ELAC1: variants seen among roughly 807,000 people sequenced by gnomAD.
The protein encoded by ELAC1 is zinc phosphodiesterase ELAC protein 1.
Under a neutral mutation model 25.8 loss-of-function variants are expected in ELAC1, and 19 were observed. That is an observed-to-expected ratio of 0.74 (90% CI 0.51 to 1.08). The LOEUF (loss-of-function observed/expected upper bound fraction) is 1.08. Among genes scored for constraint, ELAC1 ranks in the 50% least tolerant of loss-of-function variants. The pLI is 0.00. For synonymous variants in ELAC1, 148 were observed against 160.9 expected (o/e 0.92, Z 0.61); for missense variants, 403 against 434.6 (o/e 0.93, Z 0.65).
intron 3 of ELAC1, chr18:50,984,889 G>A (rs1424850734): frequency 2.6e-6 from 1 of 386,770 alleles, no homozygotes; most frequent in Non-Finnish European, 4.6e-6. Flanking sequence ...CCAAGATAGT[G>A]TTACTATACT....
Position 50,987,275 on chromosome 18 carries a change from A to AG in ELAC1, c.*191dup, listed in dbSNP as rs568402683. ...CTTTTTGATAATAAATCTTTTTAAG[A>AG]GAAAAAAAACCCAGCATCCTTTTTG... On this transcript the variant is annotated 3_prime_UTR_variant, in exon 4 of 4. Coordinates refer to ENST00000269466, the MANE Select transcript of ELAC1 (RefSeq NM_018696.3). 1.6e-3 allele frequency: 703 copies of AG among 428,060 alleles called. 1 individual carries two copies. Among genetic ancestry groups the AG allele is most frequent in the Non-Finnish European group, 2.5e-3 (625 of 246,374 alleles). The allele number at this position is 428,060 out of a possible 1,614,324, so 26.5% of individuals were successfully genotyped here. A position where few individuals can be genotyped will look rare whatever the true frequency, so the allele number is the denominator to read the frequency against.
At chr18:50,982,546 G>A (rs1907980950) in intron 2 of ELAC1, among the ~76,000 whole-genome samples, 1 of 152,234 alleles carries the variant, frequency 6.6e-6, no homozygotes, top group Non-Finnish European at 1.5e-5. Context: ...CACTAGAAAT[G>A]TGTTAATTTT....
chr18:50,977,929 C>T (rs952439041), intron 2 of ELAC1, among the ~76,000 whole-genome samples: 3 of 152,174 alleles, frequency 2.0e-5, no homozygotes, highest in Admixed American at 2.0e-4. Flanking sequence ...CTCTCAAGTT[C>T]AAAGTTCCAC....
intron 2 of ELAC1, among the ~76,000 whole-genome samples, chr18:50,975,181 G>A (rs1568185829): frequency 1.3e-5 from 2 of 152,074 alleles, no homozygotes; most frequent in Non-Finnish European, 2.9e-5. Context: ...TGTGACCTTA[G>A]CATATCAGCA....
chr18:50,979,366 T>A (rs1907880968), intron 2 of ELAC1, among the ~76,000 whole-genome samples: 1 of 152,160 alleles, frequency 6.6e-6, no homozygotes. Flanking sequence ...TGGGGAAGAT[T>A]CTGCTTCTCA....
intron 3 of ELAC1, 171 bp downstream of exon 3, chr18:50,984,734 C>T: frequency 1.6e-6 from 1 of 608,626 alleles, no homozygotes; most frequent in Non-Finnish European, 2.9e-6. Context: ...GAGTTCAAGA[C>T]CAGCCTGGGC....
rs1385189293 is a variant in ELAC1 at position 50,987,985 on chromosome 18, G to C, written c.*900G>C. On this transcript the variant is annotated 3_prime_UTR_variant, in exon 4 of 4. Coordinates refer to ENST00000269466, the MANE Select transcript of ELAC1 (RefSeq NM_018696.3). The stretch of plus-strand genomic sequence containing the variant: ...CCTAAAGAGTGAATGTGTTAGAATT[G>C]CAGTGTCATACCAAATAACATTCAA... The C allele has an allele frequency of 6.6e-6, 1 of 152,194 alleles. No individual in the cohort carries two copies. The highest frequency in any genetic ancestry group is 1.5e-5 in the Non-Finnish European group (1 of 68,038). The allele number at this position is 152,194 out of a possible 1,614,324, so 9.4% of individuals were successfully genotyped here. A position where few individuals can be genotyped will look rare whatever the true frequency, so the allele number is the denominator to read the frequency against.
In ELAC1 at chr18:50,986,855, G is replaced by A. The variant is rs779625951; in HGVS notation, c.862G>A (p.Glu288Lys). ...TGATGCCCAGATGGACAAAGCAAAG[G>A]AGCATGGCCACAGCACACCACAGAT... is the stretch of plus-strand genomic sequence containing the variant. ...LDDAQMDKAK[E>K]HGHSTPQMAA... The change falls in exon 4 of 4, where the codon GAG (glutamate) becomes AAG (lysine). Residue 288 changes from glutamate (E) to lysine (K), a missense_variant. Transcript: ENST00000269466. 2.5e-6 allele frequency: 4 copies of A among 1,614,176 alleles called. No homozygotes were observed. The highest frequency in any genetic ancestry group is 3.4e-6 in the Non-Finnish European group (4 of 1,180,024).
At chr18:50,979,922 G>A (rs1278044098) in intron 2 of ELAC1, among the ~76,000 whole-genome samples, 5 of 151,970 alleles carry the variant, frequency 3.3e-5, no homozygotes, top group Admixed American at 3.3e-4. Flanking sequence ...ATAGAGATGG[G>A]GTTTTGCCAT....
At chr18:50,982,850 C>T (rs973357750) in intron 2 of ELAC1, among the ~76,000 whole-genome samples, 13 of 152,200 alleles carry the variant, frequency 8.5e-5, no homozygotes, top group Middle Eastern at 6.8e-3. Flanking sequence ...TCCTCCTTTT[C>T]CCCTCCCTTC....
chr18:50,973,383 A>T (rs1370316486), intron 1 of ELAC1, among the ~76,000 whole-genome samples: 2 of 152,220 alleles, frequency 1.3e-5, no homozygotes, highest in Non-Finnish European at 2.9e-5. Flanking sequence ...TGTACCTAGA[A>T]ATAGTGAAAG....
chr18:50,987,327 C>A lies in ELAC1; in HGVS notation c.*242C>A. 1 of 372,984 alleles carries A rather than the reference C, an allele frequency of 2.7e-6. No individual in the cohort carries two copies. Among genetic ancestry groups the A allele is most frequent in the Non-Finnish European group, 4.8e-6 (1 of 209,322 alleles). 23.1% of individuals were successfully genotyped at this position (372,984 alleles called of 1,614,324 possible). A position where few individuals can be genotyped will look rare whatever the true frequency, so the allele number is the denominator to read the frequency against. ...AGTCCAGATTTGTCAAAATGATAGA[C>A]TATTCAGTTATACATCTTATTTTGT... On this transcript the variant is annotated 3_prime_UTR_variant, in exon 4 of 4. Coordinates refer to ENST00000269466, the MANE Select transcript of ELAC1 (RefSeq NM_018696.3).
chr18:50,968,069 C>A lies in ELAC1; in HGVS notation c.-54C>A, dbSNP rs576336611. On this transcript the variant is annotated 5_prime_UTR_variant, in exon 1 of 4. Transcript: ENST00000269466. Reference sequence around the variant, plus strand: ...CCCCGCGGACAGCTGGGCCAGGGTGCGGGCCTGCGCCTCCCTCGGCTCCTG... The same window carrying A: ...CCCCGCGGACAGCTGGGCCAGGGTGAGGGCCTGCGCCTCCCTCGGCTCCTG... The A allele has an allele frequency of 6.6e-6, 1 of 152,006 alleles. No individual in the cohort carries two copies. The allele number at this position is 152,006 out of a possible 1,614,324, so 9.4% of individuals were successfully genotyped here.
intron 1 of ELAC1, among the ~76,000 whole-genome samples, chr18:50,973,705 A>ATT (rs573506322): frequency 6.6e-6 from 1 of 151,986 alleles, no homozygotes; most frequent in Non-Finnish European, 1.5e-5. Flanking sequence ...TATTAGAAGG[A>ATT]TTTTTTTTAA....
chr18:50,983,965 G>A, intron 2 of ELAC1, 131 bp from the exon 3 acceptor site: 1 of 552,176 alleles, frequency 1.8e-6, no homozygotes, highest in Non-Finnish European at 3.0e-6. Context: ...ATAAGTTTAT[G>A]ATGATAAGTA....
At chr18:50,980,308 C>T (rs1907910505) in intron 2 of ELAC1, among the ~76,000 whole-genome samples, 1 of 151,146 alleles carries the variant, frequency 6.6e-6, no homozygotes, top group South Asian at 2.1e-4. Context: ...GACCCTGTCT[C>T]AACAAATAAA....
At chr18:50,981,411 T>A (rs757670721) in intron 2 of ELAC1, among the ~76,000 whole-genome samples, 33 of 151,992 alleles carry the variant, frequency 2.2e-4, no homozygotes, top group Admixed American at 1.2e-3. Context: ...AACTGAGCAA[T>A]GTATACAAAC....
chr18:50,970,979 C>T (rs1021519241), intron 1 of ELAC1, among the ~76,000 whole-genome samples: 3 of 152,132 alleles, frequency 2.0e-5, no homozygotes, highest in African/African-American at 7.2e-5. Context: ...TGTCATCCCT[C>T]CACAACAGTA....
chr18:50,980,676 T>C (rs908964619), intron 2 of ELAC1, among the ~76,000 whole-genome samples: 1 of 149,266 alleles, frequency 6.7e-6, no homozygotes, highest in African/African-American at 2.5e-5. Flanking sequence ...GGCAGGAGAA[T>C]CGCTTGAACC....
Sources: gnomAD v4.1 joint callset for allele counts (sites outside exome capture counted in the v4.1 genomes callset) on GRCh38, gnomAD v4.1.1 for gene constraint, MANE v1.5 for transcripts, NCBI Gene and HGNC (gene_info 2026-07-23, HGNC 2026-07-21) for gene names.